Variants in B3GALT1 observed in about 807,000 individuals in gnomAD.
The protein encoded by B3GALT1 is UDP-Gal:betaGlcNAc beta 1,3-galactosyltransferase, polypeptide 1.
B3GALT1 carries 10 observed loss-of-function variants against 23.2 expected under a neutral mutation model. That is an observed-to-expected ratio of 0.43 (90% CI 0.27 to 0.73). The LOEUF is 0.73. Among genes scored for constraint, B3GALT1 ranks in the 30% least tolerant of loss-of-function variants. B3GALT1 has a pLI of 0.21. For synonymous variants in B3GALT1, 156 were observed against 141.5 expected, an observed-to-expected ratio of 1.10 and a Z score of -0.73; for missense variants, 299 against 405.4, an observed-to-expected ratio of 0.74 and a Z score of 2.25.
chr2:167,501,523 C>G (rs1175111962), intron 2 of B3GALT1, among the ~76,000 whole-genome samples: 1 of 151,412 alleles, frequency 6.6e-6, no homozygotes, highest in Non-Finnish European at 1.5e-5. Flanking sequence ...ACTTAAAAGA[C>G]AGCAACAAAA....
rs1690375662 is a variant in B3GALT1, at chr2:167,872,646, T to C, written c.*2626T>C. On this transcript the variant is annotated 3_prime_UTR_variant, in exon 5 of 5. Transcript: ENST00000392690. ...GTCAAGAAATTACACATTATAAACA[T>C]CATATATGTACACCTATGAATCGTT... is the stretch of plus-strand genomic sequence containing the variant. The C allele has an allele frequency of 6.6e-6, 1 of 152,250 alleles. No individual in the cohort carries two copies. The highest frequency in any genetic ancestry group is 2.4e-5 in the African/African-American group (1 of 41,468). 9.4% of individuals were successfully genotyped at this position (152,250 alleles called of 1,614,324 possible).
At chr2:167,427,188 A>G (rs139165865) in intron 1 of B3GALT1, among the ~76,000 whole-genome samples, 4 of 152,340 alleles carry the variant, frequency 2.6e-5, no homozygotes, top group Non-Finnish European at 5.9e-5. Flanking sequence ...CAAGCTTAAG[A>G]TAATAAGGAA....
At chr2:167,671,294 C>T (rs1686322093) in intron 3 of B3GALT1, among the ~76,000 whole-genome samples, 2 of 152,088 alleles carry the variant, frequency 1.3e-5, no homozygotes, top group African/African-American at 2.4e-5. Flanking sequence ...GGAGGAATAA[C>T]ACTGTGGGCC....
chr2:167,293,837 A>G (rs1696299791), intron 1 of B3GALT1, among the ~76,000 whole-genome samples: 1 of 151,868 alleles, frequency 6.6e-6, no homozygotes, highest in African/African-American at 2.4e-5. Flanking sequence ...AGGCTCCCCA[A>G]AGTCCCACTT....
intron 1 of B3GALT1, among the ~76,000 whole-genome samples, chr2:167,474,686 T>C (rs1396391282): frequency 6.6e-6 from 1 of 152,146 alleles, no homozygotes; most frequent in Non-Finnish European, 1.5e-5. Flanking sequence ...ACACCAAAGG[T>C]GCATCGCAAG....
intron 1 of B3GALT1, among the ~76,000 whole-genome samples, chr2:167,468,807 G>T (rs937050150): frequency 6.6e-6 from 1 of 152,138 alleles, no homozygotes; most frequent in Non-Finnish European, 1.5e-5. Flanking sequence ...GGAGGCGGAG[G>T]TTGCAGTGAG....
intron 2 of B3GALT1, among the ~76,000 whole-genome samples, chr2:167,521,621 G>C (rs1430548267): frequency 6.6e-6 from 1 of 151,900 alleles, no homozygotes; most frequent in South Asian, 2.1e-4. Flanking sequence ...GTTTGAATGT[G>C]TACAAGTCCT....
At chr2:167,717,436 C>T (rs1327446761) in intron 3 of B3GALT1, among the ~76,000 whole-genome samples, 1 of 151,978 alleles carries the variant, frequency 6.6e-6, no homozygotes, top group African/African-American at 2.4e-5. Context: ...GCTATCCCTC[C>T]CCCTACTATA....
At chr2:167,393,591 T>A (rs1308350325) in intron 1 of B3GALT1, among the ~76,000 whole-genome samples, 4 of 152,208 alleles carry the variant, frequency 2.6e-5, no homozygotes, top group Non-Finnish European at 5.9e-5. Flanking sequence ...AAAAGGTAAA[T>A]TATGACAACA....
At chr2:167,339,987 G>C (rs1451662073) in intron 1 of B3GALT1, among the ~76,000 whole-genome samples, 3 of 152,084 alleles carry the variant, frequency 2.0e-5, no homozygotes, top group Non-Finnish European at 4.4e-5. Context: ...GGAGCTTGAG[G>C]GTTTTCAAAT....
intron 2 of B3GALT1, among the ~76,000 whole-genome samples, chr2:167,531,208 A>T (rs1216547717): frequency 6.6e-6 from 1 of 152,162 alleles, no homozygotes; most frequent in Non-Finnish European, 1.5e-5. Context: ...GTGACATGTG[A>T]TGCTTTTAAA....
intron 2 of B3GALT1, among the ~76,000 whole-genome samples, chr2:167,537,204 A>T (rs1185889476): frequency 6.6e-6 from 1 of 151,212 alleles, no homozygotes; most frequent in African/African-American, 2.4e-5. Flanking sequence ...GTGCAGGAAA[A>T]CTCCCGTTTA....
intron 4 of B3GALT1, among the ~76,000 whole-genome samples, chr2:167,854,064 G>A (rs1337883194): frequency 1.3e-5 from 2 of 152,106 alleles, no homozygotes; most frequent in Non-Finnish European, 2.9e-5. Flanking sequence ...AGCACAGTAG[G>A]GATTGATTTA....
intron 1 of B3GALT1, among the ~76,000 whole-genome samples, chr2:167,389,510 C>A (rs1305602213): frequency 1.3e-5 from 2 of 152,086 alleles, no homozygotes; most frequent in African/African-American, 4.8e-5. Context: ...GATGCTACCG[C>A]TGTTAGGGAG....
At position 167,357,852 on chromosome 2, in the gene B3GALT1, A is replaced by G. The variant is rs1315155317; in HGVS notation, c.-511+64518A>G. Among the ~76,000 whole-genome samples the G allele has an allele frequency of 2.0e-5, 3 of 152,350 alleles. No homozygotes were observed. The East Asian group carries it at 5.8e-4, about 29-fold the overall frequency. On this transcript the variant is annotated intron_variant, in intron 1 of 4. Coordinates refer to ENST00000392690, the MANE Select transcript of B3GALT1 (RefSeq NM_020981.4). ...TTCATCTTTTTAAACTGCAATATAA[A>G]TGATAGGTAAAACTATAAACATTTG...
chr2:167,303,678 C>CAG (rs1163453511), intron 1 of B3GALT1, among the ~76,000 whole-genome samples: 7 of 109,754 alleles, frequency 6.4e-5, no homozygotes, highest in South Asian at 2.7e-4. Flanking sequence ...CACACACACA[C>CAG]ACACAGAGAG....
intron 2 of B3GALT1, among the ~76,000 whole-genome samples, chr2:167,572,815 TG>T (rs1432197775): frequency 2.0e-5 from 3 of 151,798 alleles, no homozygotes; most frequent in Non-Finnish European, 3.0e-5. Context: ...AGCCCTCCAA[TG>T]ACTTTTGAAG....
chr2:167,535,721 T>C (rs1210413398), intron 2 of B3GALT1, among the ~76,000 whole-genome samples: 1 of 152,092 alleles, frequency 6.6e-6, no homozygotes, highest in Non-Finnish European at 1.5e-5. Context: ...TTGGAAAAGT[T>C]TTCTTCTGTA....
At chr2:167,714,358 A>G in intron 3 of B3GALT1, 2 of 1,498,790 alleles carry the variant, frequency 1.3e-6, no homozygotes, top group Admixed American at 3.3e-5. Flanking sequence ...TTTTATTGGT[A>G]ATCTGATGGT....
Sources: gnomAD v4.1 joint callset for allele counts (sites outside exome capture counted in the v4.1 genomes callset) on GRCh38, gnomAD v4.1.1 for gene constraint, MANE v1.5 for transcripts, NCBI Gene and HGNC (gene_info 2026-07-23, HGNC 2026-07-21) for gene names.